GK5: variants seen among roughly 807,000 people sequenced by gnomAD.
GK5 encodes glycerol kinase 5.
GK5 carries 39 observed loss-of-function variants against 77.3 expected under a neutral mutation model. The observed-to-expected ratio is 0.50, with a 90% CI of 0.39 to 0.66. The LOEUF (loss-of-function observed/expected upper bound fraction) is 0.66, where lower values mean the gene tolerates loss of function less well. Ranked by LOEUF, GK5 falls within the 30% of genes least tolerant of loss-of-function variation. The pLI is 0.00. For missense variants in GK5, 487 were observed against 633.8 expected (o/e 0.77, Z 2.49); for synonymous variants, 211 against 208.0 (o/e 1.01, Z -0.13).
At chr3:142,222,409 C>T (rs1280870427) in intron 1 of GK5, among the ~76,000 whole-genome samples, 2 of 151,986 alleles carry the variant, frequency 1.3e-5, no homozygotes, top group Non-Finnish European at 2.9e-5. Flanking sequence ...ATGAAAAATA[C>T]AAAAAATTAG....
chr3:142,191,499 T>A (rs1209249480), intron 5 of GK5, among the ~76,000 whole-genome samples: 2 of 150,516 alleles, frequency 1.3e-5, no homozygotes, highest in Non-Finnish European at 3.0e-5. Context: ...AGCTCAAGAG[T>A]TTGAGGACAG....
chr3:142,177,837 G>T (rs2063638266), intron 11 of GK5, among the ~76,000 whole-genome samples: 1 of 151,168 alleles, frequency 6.6e-6, no homozygotes, highest in Non-Finnish European at 1.5e-5. Context: ...TCTGTATGCA[G>T]CAGGACTTAC....
At chr3:142,201,667 T>C (rs1478540209) in intron 4 of GK5, among the ~76,000 whole-genome samples, 2 of 151,892 alleles carry the variant, frequency 1.3e-5, no homozygotes, top group East Asian at 3.9e-4. Flanking sequence ...CACAGACAAA[T>C]ATAAAGTAAA....
In GK5 at chr3:142,208,925, G is replaced by A. The variant is rs145940970; in HGVS notation, c.318-4137C>T. On this transcript the variant is annotated intron_variant, in intron 3 of 15. Coordinates refer to ENST00000392993, the MANE Select transcript of GK5 (RefSeq NM_001039547.3). ...AGCACTTTAGGAGGCCGAGGAAGGC[G>A]GATCACGAGGTCAGGAAATCGAGAC... Among the ~76,000 whole-genome samples the A allele has an allele frequency of 3.4e-3, 522 of 152,240 alleles. 4 individuals carry two copies. Among genetic ancestry groups the A allele is most frequent in the African/African-American group, 0.012 (480 of 41,556 alleles).
intron 3 of GK5, among the ~76,000 whole-genome samples, chr3:142,211,836 C>G (rs1271989718): frequency 6.6e-6 from 1 of 152,142 alleles, no homozygotes; most frequent in Non-Finnish European, 1.5e-5. Flanking sequence ...TGGAGATGTG[C>G]TATGCCTCAG....
intron 1 of GK5, among the ~76,000 whole-genome samples, chr3:142,225,011 A>C (rs2064407466): frequency 6.6e-6 from 1 of 152,296 alleles, no homozygotes; most frequent in South Asian, 2.1e-4. Flanking sequence ...CATCCAGGTA[A>C]GGCCGGACAG....
chr3:142,194,994 T>A (rs919405964), intron 5 of GK5, among the ~76,000 whole-genome samples: 2 of 151,902 alleles, frequency 1.3e-5, no homozygotes, highest in Admixed American at 1.3e-4. Context: ...CTATTAAGTA[T>A]GGTGTCGGCT....
intron 2 of GK5, 115 bp downstream of exon 2, chr3:142,215,484 A>G (rs1341029390): frequency 5.6e-6 from 3 of 539,240 alleles, no homozygotes; most frequent in Non-Finnish European, 9.8e-6. Flanking sequence ...CTGTAATCCC[A>G]ATAAAATACT....
rs1342546449 is a variant in GK5, at chr3:142,159,851, C to CTTTTTTTTT, written c.*5770_*5771insAAAAAAAAA. The CTTTTTTTTT allele has an allele frequency of 1.5e-4, 13 of 86,996 alleles. No homozygotes were observed. The highest frequency in any genetic ancestry group is 5.9e-4 in the African/African-American group (13 of 22,174). 5.4% of individuals were successfully genotyped at this position (86,996 alleles called of 1,614,324 possible). On this transcript the variant is annotated 3_prime_UTR_variant, in exon 16 of 16. Coordinates refer to ENST00000392993, the MANE Select transcript of GK5 (RefSeq NM_001039547.3). Reference sequence around the variant, plus strand: ...GCTTTCTCTCTCTCTCTCTCTCTCTCTCTTTTTTTTTTTTGAGACAGAGTC... The same window carrying CTTTTTTTTT: ...GCTTTCTCTCTCTCTCTCTCTCTCTCTTTTTTTTTTCTTTTTTTTTTTTGAGACAGAGTC...
chr3:142,185,650 AT>A (rs1346085935), intron 9 of GK5: 30 of 1,214,002 alleles, frequency 2.5e-5, no homozygotes, highest in Admixed American at 1.8e-4. Flanking sequence ...ATTAAAAAAA[AT>A]TTTTTTTAAT....
At chr3:142,204,181 G>A in intron 4 of GK5, 1 of 189,474 alleles carries the variant, frequency 5.3e-6, no homozygotes, top group South Asian at 1.1e-4. Flanking sequence ...ACCATGTTCA[G>A]CTAATTTTGC....
intron 15 of GK5, among the ~76,000 whole-genome samples, 178 bp from the exon 16 acceptor site, chr3:142,165,948 C>A (rs938481716): frequency 1.3e-5 from 2 of 152,124 alleles, no homozygotes; most frequent in African/African-American, 4.8e-5. Context: ...AATAATTATA[C>A]CAGTATTTTC....
chr3:142,213,471 G>A, intron 3 of GK5, 55 bp downstream of exon 3: 1 of 988,086 alleles, frequency 1.0e-6, no homozygotes. Context: ...TCATAACCGT[G>A]TACTCACTGT....
intron 3 of GK5, among the ~76,000 whole-genome samples, chr3:142,210,996 A>G (rs1414281990): frequency 1.8e-4 from 28 of 152,176 alleles, no homozygotes; most frequent in Admixed American, 1.8e-3. Context: ...TTCTTCCCTG[A>G]CTCACTTTAA....
chr3:142,187,613 A>G, intron 6 of GK5, 91 bp downstream of exon 6: 1 of 978,254 alleles, frequency 1.0e-6, no homozygotes. Flanking sequence ...TCAAAAAAAA[A>G]AAAAAAAAGT....
In GK5 at chr3:142,215,072, C is replaced by G. The variant is rs117966957; in HGVS notation, c.241+527G>C. Among the ~76,000 whole-genome samples the G allele has an allele frequency of 1.9e-4, 29 of 152,284 alleles. No homozygotes were observed. In the East Asian group the frequency reaches 5.6e-3, roughly 29 times the overall value. On this transcript the variant is annotated intron_variant, in intron 2 of 15. Transcript: ENST00000392993. ...TTACAAGTAATCTTTGCCATGTTCT[C>G]AAGCAAGGTGGCCATTTCAATGTTT...
chr3:142,173,679 G>A (rs1448913802), intron 12 of GK5, among the ~76,000 whole-genome samples: 2 of 139,356 alleles, frequency 1.4e-5, no homozygotes, highest in South Asian at 2.3e-4. Context: ...GCAAGACTCC[G>A]TCTCAAAACA....
chr3:142,199,239 G>T (rs978038407), intron 4 of GK5, among the ~76,000 whole-genome samples: 6 of 151,742 alleles, frequency 4.0e-5, no homozygotes, highest in South Asian at 2.1e-4. Flanking sequence ...TTTTAACTAT[G>T]ATAGTTAAAG....
At chr3:142,224,303 TG>T (rs1457336335) in intron 1 of GK5, among the ~76,000 whole-genome samples, 1 of 151,900 alleles carries the variant, frequency 6.6e-6, no homozygotes, top group Non-Finnish European at 1.5e-5. Flanking sequence ...CCCAGCTACT[TG>T]GGGGGCTGAG....
Sources: gnomAD v4.1 joint callset for allele counts (sites outside exome capture counted in the v4.1 genomes callset) on GRCh38, gnomAD v4.1.1 for gene constraint, MANE v1.5 for transcripts, NCBI Gene and HGNC (gene_info 2026-07-23, HGNC 2026-07-21) for gene names.